The following LAMA4 variants were observed in gnomAD, a reference collection of about 807,000 sequenced individuals.
The protein encoded by LAMA4 is laminin subunit alpha-4.
In LAMA4, 127 loss-of-function variants were observed where a neutral mutation model predicts 207.1. That is an observed-to-expected ratio of 0.61 (90% CI 0.53 to 0.71). LAMA4 has a LOEUF of 0.71. LAMA4 is among the 30% of genes least tolerant of loss of function. LAMA4 has a pLI of 0.00. For synonymous variants in LAMA4, 761 were observed against 816.0 expected (o/e 0.93, Z 1.15); for missense variants, 2,093 against 2,246.5 (o/e 0.93, Z 1.38).
intron 16 of LAMA4, among the ~76,000 whole-genome samples, chr6:112,153,399 T>C (rs1298698740): frequency 1.3e-5 from 2 of 152,072 alleles, no homozygotes; most frequent in Non-Finnish European, 1.5e-5. Flanking sequence ...AGAAAGGGAT[T>C]TGGCCAAATG....
chr6:112,253,596 A>G (rs954344281), intron 2 of LAMA4: 7 of 732,052 alleles, frequency 9.6e-6, no homozygotes, highest in Non-Finnish European at 1.7e-5. Context: ...GTGACAGGGC[A>G]CACACGTTAA....
intron 2 of LAMA4, among the ~76,000 whole-genome samples, chr6:112,223,396 T>C (rs771561819): frequency 3.3e-5 from 5 of 152,166 alleles, no homozygotes; most frequent in Non-Finnish European, 5.9e-5. Context: ...GTGAAAGACA[T>C]CTCTGTCATC....
At chr6:112,216,327 C>A (rs782136955) in intron 3 of LAMA4, 41 bp downstream of exon 3, 1 of 1,261,434 alleles carries the variant, frequency 7.9e-7, no homozygotes, top group South Asian at 1.2e-5. Context: ...GATGCAAATG[C>A]CCAGTGAAGT....
intron 38 of LAMA4, among the ~76,000 whole-genome samples, chr6:112,111,143 C>T (rs946040609): frequency 3.9e-5 from 6 of 152,208 alleles, no homozygotes; most frequent in South Asian, 4.1e-4. Flanking sequence ...TGGGTTCAAG[C>T]GATTCCGCTG....
At chr6:112,130,671 T>C (rs561161988) in intron 29 of LAMA4, among the ~76,000 whole-genome samples, 33 of 152,258 alleles carry the variant, frequency 2.2e-4, no homozygotes, top group Non-Finnish European at 3.4e-4. Context: ...ATGTGCAAAA[T>C]ACTGCACTCT....
intron 9 of LAMA4, among the ~76,000 whole-genome samples, chr6:112,183,909 C>CCACTG (rs1231158637): frequency 6.9e-6 from 1 of 144,986 alleles, no homozygotes; most frequent in Non-Finnish European, 1.5e-5. Flanking sequence ...CGAGATCACG[C>CCACTG]CACTGCACTC....
chr6:112,175,405 A>T lies in LAMA4; in HGVS notation c.1265T>A (p.Leu422Ter). The T allele has an allele frequency of 6.2e-7, 1 of 1,614,164 alleles. No homozygotes were observed. ...SPKEISEKLV[L>*]AQKMLEEIRS... ...AATCTCTTCAAGCATCTTCTGGGCC[A>T]ACACCAGCTTCTCAGAGATTTCCTT... Residue 422 changes from leucine to a stop codon, truncating the protein, a stop_gained, in exon 11 of 39, where the codon TTG (leucine) becomes TAG (stop). Coordinates refer to ENST00000230538, the MANE Select transcript of LAMA4 (RefSeq NM_001105206.3). LOFTEE classifies it high-confidence loss of function.
At chr6:112,188,524 G>C (rs1216963404) in intron 7 of LAMA4, among the ~76,000 whole-genome samples, 7 of 152,162 alleles carry the variant, frequency 4.6e-5, no homozygotes, top group African/African-American at 1.7e-4. Context: ...CATCTGTTTG[G>C]GGGAGGGGAT....
intron 9 of LAMA4, among the ~76,000 whole-genome samples, chr6:112,180,266 A>C (rs7752759): frequency 0.46 from 69,665 of 151,834 alleles, 16,413 homozygotes; most frequent in Middle Eastern, 0.61. Context: ...CTATAAGAAA[A>C]CCTCTTCTTT....
chr6:112,202,558 T>G (rs1275854335), intron 4 of LAMA4, among the ~76,000 whole-genome samples: 1 of 152,164 alleles, frequency 6.6e-6, no homozygotes. Context: ...CCTTTATGTA[T>G]CAGCATTTCT....
In LAMA4 at chr6:112,128,907, G is replaced by A. The variant is rs116361180; in HGVS notation, c.4287+15C>T. On this transcript the variant is annotated intron_variant, in intron 31 of 38. Coordinates refer to ENST00000230538, the MANE Select transcript of LAMA4 (RefSeq NM_001105206.3). ...ATGATGACAATTAGGAAGTCAGAACGGCATTATCTTTTACCTTTTTATTCT... is the reference window on the plus strand; with the variant it reads ...ATGATGACAATTAGGAAGTCAGAACAGCATTATCTTTTACCTTTTTATTCT... 2.2e-3 allele frequency: 3,581 copies of A among 1,609,270 alleles called. 54 individuals carry two copies. The African/African-American group carries it at 0.034, about 15-fold the overall frequency.
In LAMA4 at chr6:112,190,936, TTTCTTTCTTTCCTTTC is replaced by T. The variant is rs1433660166; in HGVS notation, c.718+684_718+699del. On this transcript the variant is annotated intron_variant, in intron 6 of 38. Coordinates refer to ENST00000230538, the MANE Select transcript of LAMA4 (RefSeq NM_001105206.3). ...CTTTCTTTCTTTCTTTCTTTCTTTCTTTCTTTCTTTCCTTTCTTTCTTTCTTTCTTTCTTTCTTTCT... is the reference window on the plus strand; with the variant it reads ...CTTTCTTTCTTTCTTTCTTTCTTTCTTTTCTTTCTTTCTTTCTTTCTTTCT... Among the ~76,000 whole-genome samples, 434 of 68,868 alleles carry T rather than the reference TTTCTTTCTTTCCTTTC, an allele frequency of 6.3e-3. 9 individuals are homozygous for T. Among genetic ancestry groups the T allele is most frequent in the South Asian group, 0.033 (61 of 1,852 alleles). The allele number at this position is 68,868 out of a possible 152,430, so 45.2% of individuals were successfully genotyped here. A position where few individuals can be genotyped will look rare whatever the true frequency, so the allele number is the denominator to read the frequency against.
intron 23 of LAMA4, among the ~76,000 whole-genome samples, 191 bp downstream of exon 23, chr6:112,139,561 A>G (rs1379895670): frequency 1.3e-5 from 2 of 152,228 alleles, no homozygotes; most frequent in Non-Finnish European, 2.9e-5. Flanking sequence ...AAGTTGTTTA[A>G]CACTTCATAC....
chr6:112,241,136 G>GTAATATATATAT (rs1562101883), intron 2 of LAMA4, among the ~76,000 whole-genome samples: 1 of 61,962 alleles, frequency 1.6e-5, no homozygotes, highest in Non-Finnish European at 3.3e-5. Context: ...TGAATATATA[G>GTAATATATATAT]GAATATATAT....
At chr6:112,119,130 G>C (rs782678423) in intron 34 of LAMA4, 26 bp downstream of exon 34, 5 of 1,612,170 alleles carry the variant, frequency 3.1e-6, no homozygotes. Flanking sequence ...ATGGTCAATG[G>C]CTCTACCTGG....
chr6:112,210,051 C>G (rs1413816859), intron 3 of LAMA4, among the ~76,000 whole-genome samples: 1 of 152,110 alleles, frequency 6.6e-6, no homozygotes, highest in Non-Finnish European at 1.5e-5. Context: ...CCTCCCACTG[C>G]AGGCCATGTG....
intron 4 of LAMA4, among the ~76,000 whole-genome samples, chr6:112,203,495 G>A (rs1401206361): frequency 9.2e-5 from 14 of 152,182 alleles, no homozygotes; most frequent in Admixed American, 9.2e-4. Flanking sequence ...GAGGCAATGG[G>A]CATTTGATTT....
At chr6:112,131,860 G>C (rs1554329881) in intron 28 of LAMA4, among the ~76,000 whole-genome samples, 1 of 152,042 alleles carries the variant, frequency 6.6e-6, no homozygotes, top group Non-Finnish European at 1.5e-5. Flanking sequence ...TGATGACCTG[G>C]CACATCAGTG....
chr6:112,245,460 T>C (rs1342318748), intron 2 of LAMA4, among the ~76,000 whole-genome samples: 3 of 152,214 alleles, frequency 2.0e-5, no homozygotes, highest in African/African-American at 4.8e-5. Context: ...ACTTTGTACA[T>C]AGACAACAGT....
Sources: gnomAD v4.1 joint callset for allele counts (sites outside exome capture counted in the v4.1 genomes callset) on GRCh38, gnomAD v4.1.1 for gene constraint, MANE v1.5 for transcripts, NCBI Gene and HGNC (gene_info 2026-07-23, HGNC 2026-07-21) for gene names.